CFAP20DC: variants seen among roughly 807,000 people sequenced by gnomAD.
The protein encoded by CFAP20DC is CFAP20 domain containing, also known as protein CFAP20DC.
CFAP20DC carries 84 observed loss-of-function variants against 101.7 expected under a neutral mutation model. That is an observed-to-expected ratio of 0.83 (90% confidence interval 0.69 to 0.99). The LOEUF is 0.99. Among genes scored for constraint, CFAP20DC ranks in the 50% least tolerant of loss-of-function variants. The pLI is 0.00. For missense variants in CFAP20DC, 1,007 were observed against 970.3 expected (o/e 1.04, Z -0.50); for synonymous variants, 359 against 351.2 (o/e 1.02, Z -0.25).
chr3:58,768,512 C>G lies in CFAP20DC; in HGVS notation c.2238-14649G>C, dbSNP rs9854783. Among the ~76,000 whole-genome samples the G allele has an allele frequency of 9.9e-3, 1,503 of 152,316 alleles. 24 individuals are homozygous for G. The highest frequency in any genetic ancestry group is 0.035 in the African/African-American group (1,452 of 41,574). On this transcript the variant is annotated intron_variant, in intron 15 of 16. Transcript: ENST00000482387. ...TTTAGGGATACCTTACTAAGTCTTA[C>G]ACTTAGCTCTTGAATATGTGTCTCC...
At chr3:58,781,865 T>C (rs913353010) in intron 15 of CFAP20DC, among the ~76,000 whole-genome samples, 4 of 151,508 alleles carry the variant, frequency 2.6e-5, no homozygotes, top group African/African-American at 9.7e-5. Context: ...TCAAAGAACA[T>C]GAATTCTTCT....
In CFAP20DC at chr3:58,899,019, T is replaced by C. The variant is rs555044667; in HGVS notation, c.551-14310A>G. On this transcript the variant is annotated intron_variant, in intron 6 of 16. Transcript: ENST00000482387. The surrounding 1 kb of genome is among the most constrained non-coding windows in gnomAD (Gnocchi z 5.0). ...TTTCCCATACCAAGGTTACCACCAG[T>C]GAAGGCCATGAAACAGCAAAAATGT... 4.6e-5 allele frequency among the ~76,000 whole-genome samples: 7 copies of C among 152,200 alleles called. No individual in the cohort carries two copies. Among genetic ancestry groups the C allele is most frequent in the Non-Finnish European group, 5.9e-5 (4 of 68,006 alleles).
intron 13 of CFAP20DC, among the ~76,000 whole-genome samples, chr3:58,837,042 G>A (rs952691620): frequency 2.0e-4 from 30 of 152,052 alleles, no homozygotes; most frequent in African/African-American, 2.4e-5. Context: ...CCTGGAAGTA[G>A]GGAGCTTGTG....
rs1304609458 is a variant in CFAP20DC, at chr3:58,874,943, C to G, written c.716-4634G>C. ...GAATGATTCATTAAATGAAATGAGT[C>G]AGAAGGGAAGTTGGATTAAATGACT... On this transcript the variant is annotated intron_variant, in intron 7 of 16. Coordinates refer to ENST00000482387, the MANE Select transcript of CFAP20DC (RefSeq NM_001394063.1). The surrounding 1 kb of genome is among the most constrained non-coding windows in gnomAD (Gnocchi z 5.1). 6.6e-6 allele frequency among the ~76,000 whole-genome samples: 1 copy of G among 152,084 alleles called. No homozygotes were observed. Among genetic ancestry groups the G allele is most frequent in the Non-Finnish European group, 1.5e-5 (1 of 68,006 alleles).
chr3:58,897,995 C>T lies in CFAP20DC; in HGVS notation c.551-13286G>A, dbSNP rs561451309. On this transcript the variant is annotated intron_variant, in intron 6 of 16. Transcript: ENST00000482387. The surrounding 1 kb of genome is among the most constrained non-coding windows in gnomAD (Gnocchi z 4.4). ...TGTTTTCCAACTTGGTTCCATCTCCCGGTCTCTTTCAGGTACCTCAGTCAG... is the reference window on the plus strand; with the variant it reads ...TGTTTTCCAACTTGGTTCCATCTCCTGGTCTCTTTCAGGTACCTCAGTCAG... Among the ~76,000 whole-genome samples, 2 of 152,252 alleles carry T rather than the reference C, an allele frequency of 1.3e-5. No individual in the cohort carries two copies. Among genetic ancestry groups the T allele is most frequent in the South Asian group, 2.1e-4 (1 of 4,824 alleles).
chr3:58,901,343 G>A (rs562640691), intron 6 of CFAP20DC, among the ~76,000 whole-genome samples: 2 of 152,314 alleles, frequency 1.3e-5, no homozygotes, highest in South Asian at 4.1e-4. Context: ...AAGAGCACAG[G>A]CTCTGGGGCA....
intron 1 of CFAP20DC, 67 bp downstream of exon 1, chr3:59,049,544 C>A: frequency 7.0e-7 from 1 of 1,429,128 alleles, no homozygotes; most frequent in South Asian, 1.2e-5. Flanking sequence ...TATCCTCACC[C>A]CGATCACGGA....
chr3:58,751,024 T>C (rs1335222171), intron 16 of CFAP20DC, among the ~76,000 whole-genome samples: 2 of 152,170 alleles, frequency 1.3e-5, no homozygotes, highest in Non-Finnish European at 2.9e-5. Flanking sequence ...GCTCTACTTT[T>C]TTCCCCCACG....
intron 15 of CFAP20DC, among the ~76,000 whole-genome samples, chr3:58,769,684 T>A (rs560307351): frequency 2.6e-5 from 4 of 152,080 alleles, no homozygotes; most frequent in African/African-American, 9.7e-5. Context: ...TTGCCAGACA[T>A]GTCTCCCCTC....
At chr3:58,976,577 G>C (rs2092287285) in intron 4 of CFAP20DC, among the ~76,000 whole-genome samples, 1 of 152,164 alleles carries the variant, frequency 6.6e-6, no homozygotes, top group African/African-American at 2.4e-5. Flanking sequence ...CAAAACTTGA[G>C]CAAGTCATTG....
At chr3:58,830,247 T>C (rs1163326911) in intron 14 of CFAP20DC, among the ~76,000 whole-genome samples, 1 of 152,170 alleles carries the variant, frequency 6.6e-6, no homozygotes, top group Admixed American at 6.6e-5. Flanking sequence ...CATGAAGACT[T>C]GTGTAAGTTC....
At chr3:58,972,241 T>C (rs1023132309) in intron 4 of CFAP20DC, among the ~76,000 whole-genome samples, 2 of 152,162 alleles carry the variant, frequency 1.3e-5, no homozygotes, top group African/African-American at 4.8e-5. Flanking sequence ...ATCAATAGAC[T>C]ATCCTTCAAG....
intron 15 of CFAP20DC, among the ~76,000 whole-genome samples, chr3:58,772,964 A>G (rs1462393497): frequency 6.6e-6 from 1 of 152,092 alleles, no homozygotes; most frequent in Non-Finnish European, 1.5e-5. Context: ...TGGGAGGAGT[A>G]AGACTTATTT....
rs908070524 is a variant in CFAP20DC at position 58,866,744 on chromosome 3, A to G, written c.1136-56T>C. On this transcript the variant is annotated intron_variant, in intron 10 of 16. Transcript: ENST00000482387. Reference sequence around the variant, plus strand: ...ACTTCTTTTGAAATTTATAAAAAGTAATTTTAGAAGAATGGTTTACTTTGG... The same window carrying G: ...ACTTCTTTTGAAATTTATAAAAAGTGATTTTAGAAGAATGGTTTACTTTGG... 3.9e-5 allele frequency: 47 copies of G among 1,198,084 alleles called. No homozygotes were observed. In the Admixed American group the frequency reaches 7.7e-4, roughly 20 times the overall value. The allele number at this position is 1,198,084 out of a possible 1,614,324, so 74.2% of individuals were successfully genotyped here.
At chr3:58,931,624 G>A (rs1398955040) in intron 5 of CFAP20DC, among the ~76,000 whole-genome samples, 2 of 152,116 alleles carry the variant, frequency 1.3e-5, no homozygotes, top group Non-Finnish European at 2.9e-5. Context: ...ATGAAAATCT[G>A]CTGTTCTGCA....
intron 16 of CFAP20DC, among the ~76,000 whole-genome samples, chr3:58,745,342 A>G (rs2068118849): frequency 6.6e-6 from 1 of 152,178 alleles, no homozygotes; most frequent in Non-Finnish European, 1.5e-5. Context: ...GGCATAGTCT[A>G]GTTGTGAATG....
intron 15 of CFAP20DC, chr3:58,794,122 A>C (rs563778482): frequency 3.7e-6 from 1 of 272,744 alleles, no homozygotes; most frequent in East Asian, 8.3e-5. Context: ...TCCACACAGT[A>C]ATTCAAAGGT....
At chr3:58,975,747 G>A (rs1381324147) in intron 4 of CFAP20DC, among the ~76,000 whole-genome samples, 1 of 151,542 alleles carries the variant, frequency 6.6e-6, no homozygotes, top group African/African-American at 2.4e-5. Context: ...CACCTGTTTT[G>A]GTATGTGATA....
At chr3:58,773,327 G>GA (rs2071025482) in intron 15 of CFAP20DC, among the ~76,000 whole-genome samples, 1 of 150,724 alleles carries the variant, frequency 6.6e-6, no homozygotes, top group African/African-American at 2.4e-5. Flanking sequence ...GAGGCTGGGG[G>GA]ATCACTTATG....
Sources: allele counts gnomAD v4.1 joint callset (sites outside exome capture counted in the v4.1 genomes callset), GRCh38; gene constraint gnomAD v4.1.1; non-coding constraint Gnocchi (gnomAD v3.1); transcripts MANE v1.5; gene names NCBI Gene and HGNC (gene_info 2026-07-23, HGNC 2026-07-21).